Variants in DACH1 observed in about 807,000 individuals in gnomAD.
DACH1 encodes dachshund homolog 1.
DACH1 carries 12 observed loss-of-function variants against 54.2 expected under a neutral mutation model. The observed-to-expected ratio is 0.22, with a 90% CI of 0.14 to 0.36. The LOEUF is 0.36. Ranked by LOEUF, DACH1 falls within the 10% of genes least tolerant of loss-of-function variation. The probability of loss-of-function intolerance (pLI) is 1.00; values close to 1 mark genes in which losing one functional copy is unlikely to be tolerated. For missense variants in DACH1, 805 were observed against 929.8 expected (o/e 0.87, Z 1.75); for synonymous variants, 386 against 366.2 (o/e 1.05, Z -0.62).
chr13:71,594,515 C>T (rs1360094052), intron 3 of DACH1, among the ~76,000 whole-genome samples: 7 of 152,014 alleles, frequency 4.6e-5, no homozygotes, highest in African/African-American at 1.7e-4. Context: ...GTAGACCAGC[C>T]ATAAAATTCA....
At chr13:71,639,349 C>G (rs1301441559) in intron 2 of DACH1, among the ~76,000 whole-genome samples, 1 of 152,070 alleles carries the variant, frequency 6.6e-6, no homozygotes, top group Admixed American at 6.6e-5. Flanking sequence ...GAACTTTTCT[C>G]TTAATGTCCA....
intron 3 of DACH1, among the ~76,000 whole-genome samples, chr13:71,613,060 G>A (rs1456173863): frequency 1.8e-4 from 28 of 152,206 alleles, no homozygotes; most frequent in Admixed American, 1.8e-3. Flanking sequence ...TATAGATTGT[G>A]CAAAGTGCAA....
In DACH1 at chr13:71,866,293, A is replaced by ACTGCTGCTGCTGCTACTACTGCTG. The variant is rs1874759746; in HGVS notation, c.453_476dup (p.Ser156_Ser163dup). 7 of 1,566,670 alleles carry ACTGCTGCTGCTGCTACTACTGCTG rather than the reference A, an allele frequency of 4.5e-6. No individual in the cohort carries two copies. The highest frequency in any genetic ancestry group is 6.1e-6 in the Non-Finnish European group (7 of 1,155,552). On this transcript the variant is annotated inframe_insertion, in exon 1 of 11. Coordinates refer to ENST00000613252, the MANE Select transcript of DACH1 (RefSeq NM_080759.6). Reference sequence around the variant, plus strand: ...GGAGGGGGCCGCAGCTGCTGCTGCTACTGCTGCTGCTGCTACTACTGCTGC... The same window carrying ACTGCTGCTGCTGCTACTACTGCTG: ...GGAGGGGGCCGCAGCTGCTGCTGCTACTGCTGCTGCTGCTACTACTGCTGCTGCTGCTGCTGCTACTACTGCTGC...
At chr13:71,545,757 C>T (rs1334734763) in intron 6 of DACH1, among the ~76,000 whole-genome samples, 1 of 152,014 alleles carries the variant, frequency 6.6e-6, no homozygotes, top group African/African-American at 2.4e-5. Flanking sequence ...AATGTAATCA[C>T]AAGTTTGAAA....
chr13:71,816,721 C>G (rs947937660), intron 1 of DACH1, among the ~76,000 whole-genome samples: 61 of 150,650 alleles, frequency 4.0e-4, no homozygotes, highest in African/African-American at 1.4e-3. Flanking sequence ...CCATAGAATA[C>G]TATGCAGCCA....
Position 71,866,766 on chromosome 13 carries a change from C to T in DACH1, c.4G>A (p.Ala2Thr). The T allele has an allele frequency of 7.4e-7, 1 of 1,360,330 alleles. No homozygotes were observed. Among genetic ancestry groups the T allele is most frequent in the South Asian group, 2.4e-5 (1 of 41,986 alleles). The allele number at this position is 1,360,330 out of a possible 1,614,324, so 84.3% of individuals were successfully genotyped here. The change falls in exon 1 of 11, where the codon GCA becomes ACA. Residue 2 changes from alanine (A) to threonine (T), a missense_variant. By Grantham distance (58) the Ala-to-Thr change is moderately conservative. Transcript: ENST00000613252. ...GGAGGGATCAAAGCCGCCGGCACTG[C>T]CATGGTCACATATAAGGGGAAACAG... is the stretch of plus-strand genomic sequence containing the variant. M[A>T]VPAALIPPTQ... is the part of the protein sequence containing the mutation.
intron 1 of DACH1, among the ~76,000 whole-genome samples, chr13:71,745,663 T>G (rs1884572505): frequency 6.6e-6 from 1 of 152,182 alleles, no homozygotes; most frequent in South Asian, 2.1e-4. Context: ...CTGCTTTGTA[T>G]AACTGTGCAA....
intron 3 of DACH1, 85 bp downstream of exon 3, chr13:71,630,471 A>G: frequency 6.9e-7 from 1 of 1,450,052 alleles, no homozygotes; most frequent in Non-Finnish European, 9.1e-7. Context: ...TTGAATGGGT[A>G]GCCAACAGTT....
At chr13:71,740,330 T>C (rs1884328159) in intron 1 of DACH1, among the ~76,000 whole-genome samples, 1 of 152,004 alleles carries the variant, frequency 6.6e-6, no homozygotes, top group Non-Finnish European at 1.5e-5. Context: ...AAAAAAAAAT[T>C]ACATGATTTC....
intron 3 of DACH1, 36 bp from the exon 4 acceptor site, chr13:71,573,048 A>G: frequency 1.9e-6 from 3 of 1,578,166 alleles, no homozygotes; most frequent in Non-Finnish European, 2.6e-6. Flanking sequence ...ATTGCTCTGG[A>G]GGACATAAAT....
At chr13:71,666,520 A>G (rs1879844597) in intron 2 of DACH1, among the ~76,000 whole-genome samples, 1 of 152,196 alleles carries the variant, frequency 6.6e-6, no homozygotes, top group Non-Finnish European at 1.5e-5. Context: ...GTTTCCAACT[A>G]TGCTACTTAT....
In DACH1 at chr13:71,439,055, AAT is replaced by A. The variant is rs1873768051; in HGVS notation, c.*1598_*1599del. 6.6e-6 allele frequency: 1 copy of A among 152,414 alleles called. No homozygotes were observed. Among genetic ancestry groups the A allele is most frequent in the African/African-American group, 2.4e-5 (1 of 41,414 alleles). The allele number at this position is 152,414 out of a possible 1,614,324, so 9.4% of individuals were successfully genotyped here. On this transcript the variant is annotated 3_prime_UTR_variant, in exon 11 of 11. Coordinates refer to ENST00000613252, the MANE Select transcript of DACH1 (RefSeq NM_080759.6). ...AGAAGCGTAATGCCAGAGTATCTAT[AAT>A]GTTAATTTTTTCTTAATCAAGTAAT... is the stretch of plus-strand genomic sequence containing the variant.
intron 6 of DACH1, among the ~76,000 whole-genome samples, chr13:71,550,379 T>C (rs574837690): frequency 1.3e-5 from 2 of 152,142 alleles, no homozygotes; most frequent in African/African-American, 2.4e-5. Flanking sequence ...CTGAAGAAGT[T>C]TGGGCTGAAC....
chr13:71,484,947 A>G (rs1351010284), intron 7 of DACH1, among the ~76,000 whole-genome samples: 1 of 152,068 alleles, frequency 6.6e-6, no homozygotes, highest in African/African-American at 2.4e-5. Context: ...GGCTACTCCC[A>G]GCTACTCAGG....
At chr13:71,674,610 A>G (rs1258867931) in intron 2 of DACH1, among the ~76,000 whole-genome samples, 1 of 152,014 alleles carries the variant, frequency 6.6e-6, no homozygotes, top group Non-Finnish European at 1.5e-5. Flanking sequence ...CAGAGGGGGT[A>G]CCCTGCTGAC....
chr13:71,644,560 C>T (rs1878137603), intron 2 of DACH1, among the ~76,000 whole-genome samples: 1 of 152,172 alleles, frequency 6.6e-6, no homozygotes, highest in Non-Finnish European at 1.5e-5. Context: ...TGTTTTGCAT[C>T]ATACCTCAGA....
chr13:71,523,238 T>C (rs984235483), intron 6 of DACH1, among the ~76,000 whole-genome samples: 1 of 152,090 alleles, frequency 6.6e-6, no homozygotes, highest in African/African-American at 2.4e-5. Context: ...AAAATAAAAC[T>C]GTGTGCTGTA....
At chr13:71,717,504 T>TCACA (rs3221998) in intron 1 of DACH1, among the ~76,000 whole-genome samples, 8,213 of 142,808 alleles carry the variant, frequency 0.058, 399 homozygotes, top group African/African-American at 0.13. Context: ...GTGTGTGTAA[T>TCACA]CACACACACA....
intron 3 of DACH1, among the ~76,000 whole-genome samples, chr13:71,600,617 G>A (rs1566369995): frequency 6.6e-6 from 1 of 151,738 alleles, no homozygotes; most frequent in Non-Finnish European, 1.5e-5. Flanking sequence ...TAAAAATCAA[G>A]GATCCACTAC....
Sources: allele counts gnomAD v4.1 joint callset (sites outside exome capture counted in the v4.1 genomes callset), GRCh38; gene constraint gnomAD v4.1.1; transcripts MANE v1.5; gene names NCBI Gene and HGNC (gene_info 2026-07-23, HGNC 2026-07-21).